Variants in SAMHD1 observed in about 807,000 individuals in gnomAD.
SAMHD1 encodes the protein SAM and HD domain containing deoxynucleoside triphosphate triphosphohydrolase 1, also known as deoxynucleoside triphosphate triphosphohydrolase SAMHD1.
SAMHD1 carries 54 observed loss-of-function variants against 79.6 expected under a neutral mutation model. That is an observed-to-expected ratio of 0.68 (90% CI 0.55 to 0.85). The LOEUF is 0.85. Among genes scored for constraint, SAMHD1 ranks in the 40% least tolerant of loss-of-function variants. SAMHD1 has a pLI of 0.00. For synonymous variants in SAMHD1, 260 were observed against 264.1 expected, an observed-to-expected ratio of 0.98 and a Z score of 0.15; for missense variants, 663 against 782.7, an observed-to-expected ratio of 0.85 and a Z score of 1.82.
intron 13 of SAMHD1, among the ~76,000 whole-genome samples, chr20:36,903,423 A>G (rs2063387077): frequency 6.7e-6 from 1 of 149,902 alleles, no homozygotes; most frequent in African/African-American, 2.5e-5. Context: ...TATTTTTAGT[A>G]GTGATGGGGG....
chr20:36,921,034 TA>T (rs1285068726), intron 6 of SAMHD1, among the ~76,000 whole-genome samples: 1 of 151,786 alleles, frequency 6.6e-6, no homozygotes, highest in Non-Finnish European at 1.5e-5. Flanking sequence ...TGCAGTTAGC[TA>T]TGTTCATGCC....
intron 4 of SAMHD1, among the ~76,000 whole-genome samples, chr20:36,931,470 T>C (rs1313398075): frequency 6.6e-6 from 1 of 152,018 alleles, no homozygotes; most frequent in Non-Finnish European, 1.5e-5. Context: ...GCCCCATCTC[T>C]ACTAAAAAAT....
chr20:36,948,673 C>G (rs1235076543), intron 1 of SAMHD1, among the ~76,000 whole-genome samples: 1 of 149,032 alleles, frequency 6.7e-6, no homozygotes, highest in Non-Finnish European at 1.5e-5. Flanking sequence ...TTAAGACCAT[C>G]CTGGCCAACA....
chr20:36,927,332 T>C, intron 5 of SAMHD1, 80 bp from the exon 6 acceptor site: 1 of 1,201,048 alleles, frequency 8.3e-7, no homozygotes, highest in Non-Finnish European at 1.2e-6. Context: ...TTTTTTTTTT[T>C]TTGAGACGGA....
chr20:36,906,785 A>G (rs964622694), intron 11 of SAMHD1, among the ~76,000 whole-genome samples: 1 of 149,706 alleles, frequency 6.7e-6, no homozygotes, highest in Non-Finnish European at 1.5e-5. Context: ...CCATATATAT[A>G]TATCTGTGCA....
intron 9 of SAMHD1, 92 bp from the exon 10 acceptor site, chr20:36,912,644 G>C: frequency 6.7e-6 from 6 of 893,534 alleles, no homozygotes; most frequent in Non-Finnish European, 1.1e-5. Flanking sequence ...AAAAGGGATA[G>C]TGGCAGACAA....
rs147983642 is a variant in SAMHD1 at position 36,898,023 on chromosome 20, C to A, written c.1609-64G>T. 8.8e-6 allele frequency: 14 copies of A among 1,589,970 alleles called. No individual in the cohort carries two copies. In the East Asian group the frequency reaches 2.7e-4, roughly 30 times the overall value. The stretch of plus-strand genomic sequence containing the variant: ...CACACATTGGAGATATCAGCTGGTC[C>A]CTAGGCTCCTAACTATTCCTTTTTT... On this transcript the variant is annotated intron_variant, in intron 14 of 15. Coordinates refer to ENST00000646673, the MANE Select transcript of SAMHD1 (RefSeq NM_015474.4).
chr20:36,905,449 C>G lies in SAMHD1; in HGVS notation c.1325G>C (p.Arg442Pro). 6.2e-7 allele frequency: 1 copy of G among 1,613,562 alleles called. No individual in the cohort carries two copies. Among genetic ancestry groups the G allele is most frequent in the Non-Finnish European group, 8.5e-7 (1 of 1,179,560 alleles). The change falls in exon 12 of 16, where the codon CGA becomes CCA. Residue 442 changes from arginine (R) to proline (P), a missense_variant. Arg to Pro is a moderately radical substitution (Grantham distance 103, BLOSUM62 -2). Transcript: ENST00000646673. Reference sequence around the variant, plus strand: ...GTATTCAATTTGTTTTAAAATCTCTCGTGCGTCTTTCAATTTGGGATCAGT... The same window carrying G: ...GTATTCAATTTGTTTTAAAATCTCTGGTGCGTCTTTCAATTTGGGATCAGT... ...YSTDPKLKDA[R>P]EILKQIEYRN...
intron 11 of SAMHD1, among the ~76,000 whole-genome samples, chr20:36,910,446 T>C (rs2063431272): frequency 6.6e-6 from 1 of 151,476 alleles, no homozygotes. Context: ...AGTTAAATAA[T>C]GGGCCGGGCG....
At chr20:36,950,594 C>T (rs555530353) in intron 1 of SAMHD1, among the ~76,000 whole-genome samples, 5 of 152,268 alleles carry the variant, frequency 3.3e-5, no homozygotes, top group African/African-American at 1.2e-4. Flanking sequence ...TGCTTGGATA[C>T]GAATCAGTAA....
chr20:36,895,179 A>C (rs1990175542), intron 15 of SAMHD1, among the ~76,000 whole-genome samples: 1 of 152,000 alleles, frequency 6.6e-6, no homozygotes, highest in African/African-American at 2.4e-5. Flanking sequence ...ACTTTGATAA[A>C]GCCCCAGACA....
chr20:36,892,509 A>G lies in SAMHD1; in HGVS notation c.*423T>C, dbSNP rs1274491443. 9.3e-6 allele frequency: 2 copies of G among 214,838 alleles called. No homozygotes were observed. The highest frequency in any genetic ancestry group is 1.9e-5 in the Non-Finnish European group (2 of 105,926). 13.3% of individuals were successfully genotyped at this position (214,838 alleles called of 1,614,324 possible). ...TCATCTGTCATAAAAGTTCAGAGTAAGCTGGGTGTGGTGGCACATGACTTT... is the reference window on the plus strand; with the variant it reads ...TCATCTGTCATAAAAGTTCAGAGTAGGCTGGGTGTGGTGGCACATGACTTT... On this transcript the variant is annotated 3_prime_UTR_variant, in exon 16 of 16. Coordinates refer to ENST00000646673, the MANE Select transcript of SAMHD1 (RefSeq NM_015474.4).
chr20:36,936,964 A>C (rs2063608063), intron 3 of SAMHD1, among the ~76,000 whole-genome samples: 1 of 142,262 alleles, frequency 7.0e-6, no homozygotes. Flanking sequence ...AACATGATGA[A>C]ATCCCGTCTC....
At chr20:36,949,090 C>A (rs2063714927) in intron 1 of SAMHD1, among the ~76,000 whole-genome samples, 3 of 150,162 alleles carry the variant, frequency 2.0e-5, no homozygotes, top group Admixed American at 6.7e-5. Flanking sequence ...CATGGTGAAA[C>A]CCTGTCTTTA....
chr20:36,916,555 T>C (rs1342025514), intron 9 of SAMHD1, 167 bp downstream of exon 9: 1 of 627,956 alleles, frequency 1.6e-6, no homozygotes, highest in Non-Finnish European at 2.8e-6. Flanking sequence ...AATTTTATTA[T>C]TATTTAATAA....
chr20:36,916,373 TG>T (rs1343763892), intron 9 of SAMHD1, among the ~76,000 whole-genome samples: 1 of 151,816 alleles, frequency 6.6e-6, no homozygotes, highest in Non-Finnish European at 1.5e-5. Flanking sequence ...AGTGTGCACC[TG>T]TAGTCCCAGC....
At chr20:36,940,571 C>T in intron 3 of SAMHD1, 1 of 192,572 alleles carries the variant, frequency 5.2e-6, no homozygotes, top group Non-Finnish European at 1.1e-5. Flanking sequence ...TGGTGGCATG[C>T]ACCCATAGTC....
intron 9 of SAMHD1, 58 bp from the exon 10 acceptor site, chr20:36,912,610 G>T: frequency 8.1e-7 from 1 of 1,235,066 alleles, no homozygotes; most frequent in Non-Finnish European, 1.2e-6. Flanking sequence ...CGTTATTAGA[G>T]ACAAGTATAT....
chr20:36,932,771 T>C (rs1314927223), intron 4 of SAMHD1, among the ~76,000 whole-genome samples: 1 of 152,058 alleles, frequency 6.6e-6, no homozygotes, highest in Non-Finnish European at 1.5e-5. Context: ...TGTAAGATGA[T>C]AAGAGTTTTG....
Sources: gnomAD v4.1 joint callset for allele counts (sites outside exome capture counted in the v4.1 genomes callset) on GRCh38, gnomAD v4.1.1 for gene constraint, MANE v1.5 for transcripts, NCBI Gene and HGNC (gene_info 2026-07-23, HGNC 2026-07-21) for gene names.